CDKL3: variants seen among roughly 807,000 people sequenced by gnomAD.
CDKL3 encodes cyclin-dependent kinase-like 3.
In CDKL3, 65 loss-of-function variants were observed where a neutral mutation model predicts 69.3. The observed-to-expected ratio is 0.94, with a 90% CI of 0.77 to 1.15. The LOEUF is 1.15. Among genes scored for constraint, CDKL3 ranks in the 50% most tolerant of loss-of-function variants. CDKL3 has a pLI of 0.00. For synonymous variants in CDKL3, 202 were observed against 221.6 expected (o/e 0.91, Z 0.79); for missense variants, 652 against 689.2 (o/e 0.95, Z 0.61).
intron 4 of CDKL3, among the ~76,000 whole-genome samples, chr5:134,328,038 G>A (rs1774842798): frequency 6.6e-6 from 1 of 152,120 alleles, no homozygotes; most frequent in Non-Finnish European, 1.5e-5. Flanking sequence ...GTCCCAGAAG[G>A]AGGGGTCCCA....
chr5:134,366,503 A>G lies in CDKL3; in HGVS notation c.21T>C (p.Leu7=). 6.2e-7 allele frequency: 1 copy of G among 1,606,948 alleles called. No individual in the cohort carries two copies. The highest frequency in any genetic ancestry group is 8.5e-7 in the Non-Finnish European group (1 of 1,176,982). The change falls in exon 2 of 13, where the codon CTT becomes CTC. Residue 7 remains leucine (L), a synonymous_variant. Transcript: ENST00000265334. MEMYET[L]GKVGEGSYGT... is the part of the protein sequence containing the mutation. ...CGTAACTTCCCTCTCCCACTTTTCC[A>G]AGGGTTTCATACATCTCCATTTTCA... is the stretch of plus-strand genomic sequence containing the variant.
intron 4 of CDKL3, among the ~76,000 whole-genome samples, chr5:134,332,326 T>C (rs1228242300): frequency 6.6e-6 from 1 of 152,226 alleles, no homozygotes; most frequent in Non-Finnish European, 1.5e-5. Context: ...TTTTGGCTTT[T>C]GTTGCCATTG....
intron 12 of CDKL3, chr5:134,299,897 C>G (rs1464526236): frequency 5.3e-6 from 3 of 566,340 alleles, no homozygotes; most frequent in Non-Finnish European, 9.1e-6. Context: ...TATTCCTTAT[C>G]ATTATCATCC....
chr5:134,366,384 G>A lies in CDKL3; in HGVS notation c.140C>T (p.Ala47Val). The A allele has an allele frequency of 7.6e-6, 12 of 1,579,728 alleles. No homozygotes were observed. Among genetic ancestry groups the A allele is most frequent in the Non-Finnish European group, 1.0e-5 (12 of 1,165,994 alleles). ...ERPEQSVNKIAMREIKFLKQF... is the reference protein window; with the variant it reads ...ERPEQSVNKIVMREIKFLKQF... ...CTTTAGAAACTTTATTTCTCTCATCGCAATTTTGTTGACAGATTGTTCTGG... is the reference window on the plus strand; with the variant it reads ...CTTTAGAAACTTTATTTCTCTCATCACAATTTTGTTGACAGATTGTTCTGG... The change falls in exon 2 of 13, where the codon GCG (alanine) becomes GTG (valine). Residue 47 changes from alanine to valine, a missense_variant. Ala to Val is a moderately conservative substitution (Grantham distance 64). Coordinates refer to ENST00000265334, the MANE Select transcript of CDKL3 (RefSeq NM_001113575.2).
intron 7 of CDKL3, 128 bp downstream of exon 7, chr5:134,312,163 TA>T (rs1279416910): frequency 5.9e-5 from 38 of 647,948 alleles, no homozygotes; most frequent in Admixed American, 1.2e-4. Context: ...CCTGATACAA[TA>T]ACTCAATAAA....
At chr5:134,291,296 G>T (rs1765114101) in intron 8 of CDKL3, among the ~76,000 whole-genome samples, 1 of 152,168 alleles carries the variant, frequency 6.6e-6, no homozygotes, top group Non-Finnish European at 1.5e-5. Context: ...AGGCTGGAAG[G>T]AGAGATTTCA....
chr5:134,368,955 A>C (rs1179702257), upstream of CDKL3, among the ~76,000 whole-genome samples: 1 of 152,178 alleles, frequency 6.6e-6, no homozygotes, highest in African/African-American at 2.4e-5. Flanking sequence ...GGAGCCCAGA[A>C]GGTCAAGGCT....
rs773295424 is a variant in CDKL3, at chr5:134,306,702, C to T, written c.1365G>A (p.Arg455=). ...LSSNLFHPSV[R]LTERAKKRRT... Reference sequence around the variant, plus strand: ...GTCTCTTTTTTGCTCTTTCAGTTAACCTATTATTTAAAAATGAATGAGAAG... The same window carrying T: ...GTCTCTTTTTTGCTCTTTCAGTTAATCTATTATTTAAAAATGAATGAGAAG... The change falls in exon 10 of 13, where the codon AGG becomes AGA. Residue 455 remains arginine, a splice_region_variant and synonymous_variant. Transcript: ENST00000265334. 1.4e-6 allele frequency: 2 copies of T among 1,453,154 alleles called. No individual in the cohort carries two copies. The highest frequency in any genetic ancestry group is 1.5e-5 in the African/African-American group (1 of 67,622). The allele number at this position is 1,453,154 out of a possible 1,614,324, so 90.0% of individuals were successfully genotyped here. A position where few individuals can be genotyped will look rare whatever the true frequency, so the allele number is the denominator to read the frequency against.
intron 4 of CDKL3, among the ~76,000 whole-genome samples, chr5:134,349,891 A>AAG (rs778807890): frequency 1.6e-4 from 25 of 152,302 alleles, no homozygotes; most frequent in Non-Finnish European, 2.8e-4. Context: ...CAAGGGATAA[A>AAG]AGAGATACCT....
chr5:134,327,191 C>G (rs1581010288), intron 4 of CDKL3, among the ~76,000 whole-genome samples: 1 of 152,082 alleles, frequency 6.6e-6, no homozygotes, highest in East Asian at 1.9e-4. Context: ...CAACCAGCCC[C>G]TGTTCATGGA....
chr5:134,298,106 G>C (rs939285427), downstream of CDKL3: 5 of 225,536 alleles, frequency 2.2e-5, no homozygotes, highest in Admixed American at 6.6e-5. Flanking sequence ...GCTAATTTTT[G>C]CATTTTTAGT....
In CDKL3 at chr5:134,326,438, A is replaced by C. The variant is rs117459311; in HGVS notation, c.540-4535T>G. The stretch of plus-strand genomic sequence containing the variant: ...GCAGAAAAAGAGCTGTCCAATAGGA[A>C]AAACGAAAACAAAATTAACCTACTA... On this transcript the variant is annotated intron_variant, in intron 4 of 12. Transcript: ENST00000265334. 3.3e-4 allele frequency among the ~76,000 whole-genome samples: 50 copies of C among 152,250 alleles called. No individual in the cohort carries two copies. In the East Asian group the frequency reaches 9.1e-3, roughly 28 times the overall value.
intron 12 of CDKL3, 83 bp downstream of exon 12, chr5:134,302,507 C>A: frequency 1.4e-6 from 1 of 702,694 alleles, no homozygotes; most frequent in South Asian, 1.8e-5. Context: ...TATAGCTTTC[C>A]AATAGTAATA....
intron 10 of CDKL3, 94 bp from the exon 11 acceptor site, chr5:134,304,661 T>G: frequency 1.2e-6 from 1 of 863,686 alleles, no homozygotes; most frequent in East Asian, 2.8e-5. Context: ...TGGTATAAGA[T>G]AGACATAACA....
chr5:134,343,650 T>C (rs982181998), intron 4 of CDKL3, among the ~76,000 whole-genome samples: 2 of 152,190 alleles, frequency 1.3e-5, no homozygotes, highest in Non-Finnish European at 2.9e-5. Flanking sequence ...CTGTACTTGA[T>C]GGATCAGCTG....
intron 8 of CDKL3, among the ~76,000 whole-genome samples, chr5:134,290,312 G>A (rs1004699531): frequency 1.5e-5 from 2 of 132,226 alleles, no homozygotes; most frequent in African/African-American, 2.9e-5. Context: ...CCGAGATTGC[G>A]CCACTGTACT....
upstream of CDKL3, chr5:134,367,219 G>C (rs989812041): frequency 1.1e-5 from 11 of 985,706 alleles, no homozygotes; most frequent in Middle Eastern, 1.0e-3. Context: ...GACCCGGAAG[G>C]GGAAGTGGGA....
At chr5:134,328,860 C>G (rs1775041371) in intron 4 of CDKL3, among the ~76,000 whole-genome samples, 1 of 152,078 alleles carries the variant, frequency 6.6e-6, no homozygotes, top group African/African-American at 2.4e-5. Flanking sequence ...ATTAAAAGTG[C>G]TCAAAAAAGA....
intron 3 of CDKL3, among the ~76,000 whole-genome samples, chr5:134,352,686 C>T (rs1057260344): frequency 6.6e-6 from 1 of 152,072 alleles, no homozygotes; most frequent in African/African-American, 2.4e-5. Context: ...TGGACTCAAG[C>T]TATCCTCCCA....
Sources: allele counts gnomAD v4.1 joint callset (sites outside exome capture counted in the v4.1 genomes callset), GRCh38; gene constraint gnomAD v4.1.1; transcripts MANE v1.5; gene names NCBI Gene and HGNC (gene_info 2026-07-23, HGNC 2026-07-21).